DST: variants seen among roughly 807,000 people sequenced by gnomAD.
DST encodes the protein dystonin, also known as bullous pemphigoid antigen.
Under a neutral mutation model 875.2 loss-of-function variants are expected in DST, and 253 were observed. The ratio of observed to expected loss-of-function variants is 0.29; its 90% CI spans 0.26 to 0.32. The LOEUF (loss-of-function observed/expected upper bound fraction) is 0.32, where lower values mean the gene tolerates loss of function less well. Among genes scored for constraint, DST ranks in the 10% least tolerant of loss-of-function variants. The probability of loss-of-function intolerance (pLI) is 1.00; values close to 1 mark genes in which losing one functional copy is unlikely to be tolerated. For synonymous variants in DST, 3,124 were observed against 3,197.1 expected, an observed-to-expected ratio of 0.98 and a Z score of 0.77; for missense variants, 8,287 against 9,111.6, an observed-to-expected ratio of 0.91 and a Z score of 3.68.
At chr6:56,533,751 T>C (rs1263427452) in intron 63 of DST, among the ~76,000 whole-genome samples, 1 of 152,192 alleles carries the variant, frequency 6.6e-6, no homozygotes, top group Non-Finnish European at 1.5e-5. Context: ...ACAAATGCAA[T>C]GTGTTTCCAG....
intron 77 of DST, among the ~76,000 whole-genome samples, chr6:56,505,069 GC>G (rs1475277653): frequency 1.3e-5 from 2 of 152,112 alleles, no homozygotes; most frequent in Non-Finnish European, 2.9e-5. Flanking sequence ...GTTATCATTA[GC>G]CAACCCTGAC....
chr6:56,625,987 A>G (rs997114924), intron 34 of DST, among the ~76,000 whole-genome samples: 1 of 151,298 alleles, frequency 6.6e-6, no homozygotes, highest in African/African-American at 2.4e-5. Context: ...AAAAAAAAAA[A>G]AAACCAAAAA....
In DST at chr6:56,895,150, C is replaced by A. The variant is rs1405763373; in HGVS notation, c.417+5271G>T. Among the ~76,000 whole-genome samples the A allele has an allele frequency of 1.8e-4, 14 of 76,662 alleles. 3 individuals carry two copies. The highest frequency in any genetic ancestry group is 1.3e-3 in the Admixed American group (12 of 9,550). The allele number at this position is 76,662 out of a possible 152,430, so 50.3% of individuals were successfully genotyped here. ...CTCCCGGACGGGGAGGCTGGCCGGG[C>A]GGGGGGCTGACCCCCCCCACCTCCC... On this transcript the variant is annotated intron_variant, in intron 3 of 103. Coordinates refer to ENST00000680361, the MANE Select transcript of DST (RefSeq NM_001374736.1).
At chr6:56,778,194 T>C (rs1457177391) in intron 4 of DST, among the ~76,000 whole-genome samples, 1 of 151,972 alleles carries the variant, frequency 6.6e-6, no homozygotes, top group Non-Finnish European at 1.5e-5. Flanking sequence ...ATTGGGAGCC[T>C]TTCATTCATC....
intron 48 of DST, 44 bp from the exon 49 acceptor site, chr6:56,592,402 AT>A: frequency 7.0e-7 from 1 of 1,421,976 alleles, no homozygotes; most frequent in Admixed American, 2.0e-5. Context: ...AAAACCCACT[AT>A]TTTCATATGC....
intron 4 of DST, among the ~76,000 whole-genome samples, chr6:56,771,354 T>C (rs1051588656): frequency 3.9e-5 from 6 of 152,134 alleles, no homozygotes; most frequent in African/African-American, 1.2e-4. Flanking sequence ...GTGACTAAAA[T>C]TGTCTGCAAA....
At chr6:56,912,462 C>T (rs767710470) in intron 2 of DST, among the ~76,000 whole-genome samples, 2 of 152,184 alleles carry the variant, frequency 1.3e-5, no homozygotes, top group African/African-American at 4.8e-5. Flanking sequence ...TTTGTGTTCT[C>T]ACAGAAAGTT....
intron 80 of DST, among the ~76,000 whole-genome samples, chr6:56,498,688 C>T (rs4715625): frequency 0.72 from 109,867 of 152,064 alleles, 39,876 homozygotes; most frequent in East Asian, 0.77. Flanking sequence ...ATGTCTAAGG[C>T]ATACAGTACC....
At chr6:56,781,761 T>C (rs916106189) in intron 4 of DST, among the ~76,000 whole-genome samples, 22 of 152,154 alleles carry the variant, frequency 1.4e-4, no homozygotes, top group Non-Finnish European at 8.8e-5. Flanking sequence ...AACACTATGT[T>C]GAATAGGAGT....
intron 80 of DST, 80 bp downstream of exon 80, chr6:56,501,000 A>C: frequency 7.1e-7 from 1 of 1,399,654 alleles, no homozygotes; most frequent in Non-Finnish European, 9.7e-7. Flanking sequence ...AACACGCATA[A>C]AGAAGAAATA....
At chr6:56,489,205 C>T (rs1367945730) in intron 86 of DST, among the ~76,000 whole-genome samples, 2 of 152,188 alleles carry the variant, frequency 1.3e-5, no homozygotes, top group African/African-American at 4.8e-5. Context: ...TTTAAAACCA[C>T]TACAAATCCT....
intron 2 of DST, among the ~76,000 whole-genome samples, chr6:56,942,706 CTTTTTTTTTTTT>C (rs67354752): frequency 1.5e-5 from 1 of 66,046 alleles, no homozygotes; most frequent in Non-Finnish European, 2.8e-5. Flanking sequence ...TGCCATTTCT[CTTTTTTTTTTTT>C]TTTTTTTTTT....
chr6:56,499,157 A>G (rs1583216429), intron 80 of DST, among the ~76,000 whole-genome samples: 1 of 152,140 alleles, frequency 6.6e-6, no homozygotes, highest in East Asian at 1.9e-4. Context: ...CTCTTTACTC[A>G]TTGACTCAGT....
intron 4 of DST, chr6:56,843,019 G>A: frequency 7.1e-7 from 1 of 1,412,974 alleles, no homozygotes; most frequent in Non-Finnish European, 9.4e-7. Context: ...TCTGATCAGT[G>A]CCAAGCTCCG....
At chr6:56,800,147 A>T (rs2099745043) in intron 4 of DST, among the ~76,000 whole-genome samples, 1 of 152,160 alleles carries the variant, frequency 6.6e-6, no homozygotes, top group Non-Finnish European at 1.5e-5. Flanking sequence ...ACACATTTAA[A>T]CATAATTCCA....
chr6:56,692,593 C>T, intron 9 of DST: 2 of 1,289,752 alleles, frequency 1.6e-6, no homozygotes. Flanking sequence ...GGGAATAGAG[C>T]TTAAGCTGGC....
chr6:56,518,234 T>A (rs1445483636), intron 69 of DST, among the ~76,000 whole-genome samples: 1 of 152,178 alleles, frequency 6.6e-6, no homozygotes, highest in East Asian at 1.9e-4. Context: ...GTTATTTTCC[T>A]GATCATAACA....
intron 4 of DST, chr6:56,843,301 G>T: frequency 8.1e-7 from 1 of 1,236,424 alleles, no homozygotes; most frequent in Non-Finnish European, 1.0e-6. Flanking sequence ...GCAGAGCGGG[G>T]GCGCAGGGGG....
chr6:56,685,171 G>A (rs988826548), intron 9 of DST, among the ~76,000 whole-genome samples: 1 of 152,066 alleles, frequency 6.6e-6, no homozygotes, highest in Admixed American at 6.6e-5. Context: ...CTTCTGCACA[G>A]CCAAAGAAAC....
Sources: allele counts gnomAD v4.1 joint callset (sites outside exome capture counted in the v4.1 genomes callset), GRCh38; gene constraint gnomAD v4.1.1; transcripts MANE v1.5; gene names NCBI Gene and HGNC (gene_info 2026-07-23, HGNC 2026-07-21).